GIGYF2: variants seen among roughly 807,000 people sequenced by gnomAD.
The protein encoded by GIGYF2 is GRB10 interacting GYF protein 2.
A neutral mutation model predicts 208.1 loss-of-function variants in GIGYF2; 25 were observed. The ratio of observed to expected loss-of-function variants is 0.12; its 90% confidence interval spans 0.09 to 0.17. The LOEUF (loss-of-function observed/expected upper bound fraction) is 0.17. GIGYF2 is among the 10% of genes least tolerant of loss of function. The pLI, the probability that GIGYF2 is intolerant of heterozygous loss-of-function variation, is 1.00. For synonymous variants in GIGYF2, 534 were observed against 543.8 expected (o/e 0.98, Z 0.25); for missense variants, 1,302 against 1,579.4 (o/e 0.82, Z 2.98).
chr2:232,816,230 T>G (rs57092158), intron 19 of GIGYF2, among the ~76,000 whole-genome samples: 14,518 of 152,216 alleles, frequency 0.095, 967 homozygotes, highest in African/African-American at 0.17. Flanking sequence ...GAATTTTGGT[T>G]TTAGTACTTG....
chr2:232,709,193 TATCTGTAAAGTATGTC>T (rs1696269277), intron 2 of GIGYF2, among the ~76,000 whole-genome samples: 1 of 152,188 alleles, frequency 6.6e-6, no homozygotes. Flanking sequence ...TAACTATCCT[TATCTGTAAAGTATGTC>T]CTGTGGTTAT....
At chr2:232,747,839 T>G (rs1210564243) in intron 4 of GIGYF2, 95 bp downstream of exon 4, 6 of 1,203,612 alleles carry the variant, frequency 5.0e-6, no homozygotes, top group Non-Finnish European at 7.3e-6. Flanking sequence ...ATTTTACTAA[T>G]GTATTGACCC....
At chr2:232,832,687 A>G (rs1574935398) in intron 21 of GIGYF2, among the ~76,000 whole-genome samples, 170 bp from the exon 22 acceptor site, 1 of 152,204 alleles carries the variant, frequency 6.6e-6, no homozygotes, top group East Asian at 1.9e-4. Flanking sequence ...TGTGGCTACT[A>G]TAAATATATT....
intron 2 of GIGYF2, among the ~76,000 whole-genome samples, chr2:232,713,770 G>C (rs980417225): frequency 5.9e-5 from 9 of 152,116 alleles, no homozygotes; most frequent in African/African-American, 2.2e-4. Flanking sequence ...TGTTTTTCAT[G>C]ATTAGACTGG....
chr2:232,704,267 A>G (rs1233508182), intron 2 of GIGYF2, among the ~76,000 whole-genome samples: 1 of 152,200 alleles, frequency 6.6e-6, no homozygotes, highest in Non-Finnish European at 1.5e-5. Context: ...GCATTCTAGG[A>G]AAATGTCCTG....
At chr2:232,783,720 C>G (rs557306606) in intron 8 of GIGYF2, among the ~76,000 whole-genome samples, 2 of 152,022 alleles carry the variant, frequency 1.3e-5, no homozygotes, top group Admixed American at 6.6e-5. Flanking sequence ...GAGTTTAGCT[C>G]TTGTTGTCCA....
intron 14 of GIGYF2, among the ~76,000 whole-genome samples, chr2:232,796,601 G>T (rs947763200): frequency 2.3e-4 from 35 of 152,224 alleles, no homozygotes; most frequent in African/African-American, 8.2e-4. Flanking sequence ...GCTCACGCCT[G>T]TAATCCCAGC....
At chr2:232,765,869 A>G in intron 8 of GIGYF2, 1 of 464,252 alleles carries the variant, frequency 2.2e-6, no homozygotes, top group South Asian at 1.6e-5. Context: ...AGTTTGTTGA[A>G]ACTGTCATGC....
chr2:232,731,827 A>T (rs1697509819), intron 2 of GIGYF2, among the ~76,000 whole-genome samples: 1 of 152,268 alleles, frequency 6.6e-6, no homozygotes, highest in Admixed American at 6.5e-5. Context: ...TACTGCCAAG[A>T]AGGCTCCGGC....
intron 16 of GIGYF2, 137 bp from the exon 17 acceptor site, chr2:232,811,106 GA>G (rs1700720909): frequency 1.6e-6 from 1 of 642,458 alleles, no homozygotes; most frequent in Non-Finnish European, 2.8e-6. Context: ...TCATAATGAA[GA>G]ATTATAAAAT....
chr2:232,731,796 C>G (rs976229361), intron 2 of GIGYF2, among the ~76,000 whole-genome samples: 8 of 152,098 alleles, frequency 5.3e-5, no homozygotes, highest in African/African-American at 1.9e-4. Context: ...TCATTTTGTG[C>G]ATTACTGAGA....
intron 8 of GIGYF2, chr2:232,765,146 A>T (rs1698904663): frequency 6.6e-6 from 1 of 152,212 alleles, no homozygotes; most frequent in South Asian, 2.1e-4. Flanking sequence ...TGCTCACTTC[A>T]GGTTAACTGC....
chr2:232,707,214 A>G (rs1023569331), intron 2 of GIGYF2, among the ~76,000 whole-genome samples: 2 of 152,216 alleles, frequency 1.3e-5, no homozygotes, highest in Non-Finnish European at 2.9e-5. Flanking sequence ...TGTGGCTAGT[A>G]TCTTCTTCGG....
At chr2:232,699,724 A>G (rs1308903927) in intron 1 of GIGYF2, among the ~76,000 whole-genome samples, 1 of 152,206 alleles carries the variant, frequency 6.6e-6, no homozygotes, top group Non-Finnish European at 1.5e-5. Flanking sequence ...TAGACACATG[A>G]TTAAGGAACA....
chr2:232,793,286 T>A (rs912710581), intron 12 of GIGYF2, among the ~76,000 whole-genome samples: 1 of 152,200 alleles, frequency 6.6e-6, no homozygotes, highest in Admixed American at 6.5e-5. Context: ...CTGTGACCGC[T>A]TAGACTCCTG....
At chr2:232,766,516 A>G (rs556828254) in intron 8 of GIGYF2, 2 of 152,448 alleles carry the variant, frequency 1.3e-5, no homozygotes, top group Admixed American at 1.3e-4. Flanking sequence ...TTGTTAATTT[A>G]TTATAGAAAT....
chr2:232,716,978 G>GTTTT (rs1324089709), intron 2 of GIGYF2, among the ~76,000 whole-genome samples: 19 of 149,190 alleles, frequency 1.3e-4, no homozygotes, highest in African/African-American at 4.2e-4. Context: ...GCTAATTTTT[G>GTTTT]TTGTTTTTTT....
At chr2:232,790,592 GTTTGCGGTCAC>G in intron 9 of GIGYF2, 95 bp from the exon 10 acceptor site, 1 of 933,516 alleles carries the variant, frequency 1.1e-6, no homozygotes, top group Non-Finnish European at 1.8e-6. Context: ...GTCCATTTGA[GTTTGCGGTCAC>G]TTGTAGTTTT....
chr2:232,704,444 G>A (rs888917980), intron 2 of GIGYF2, among the ~76,000 whole-genome samples: 1 of 152,030 alleles, frequency 6.6e-6, no homozygotes, highest in Non-Finnish European at 1.5e-5. Flanking sequence ...TTGCTCTGTC[G>A]CCTGGGCTGG....
Sources: allele counts gnomAD v4.1 joint callset (sites outside exome capture counted in the v4.1 genomes callset), GRCh38; gene constraint gnomAD v4.1.1; transcripts MANE v1.5; gene names NCBI Gene and HGNC (gene_info 2026-07-23, HGNC 2026-07-21).